GMDS: variants seen among roughly 807,000 people sequenced by gnomAD.
GMDS encodes the protein GDP-mannose 4,6 dehydratase.
Under a neutral mutation model 49.9 loss-of-function variants are expected in GMDS, and 20 were observed. The observed-to-expected ratio is 0.40, with a 90% CI of 0.28 to 0.58. The LOEUF is 0.58. Among genes scored for constraint, GMDS ranks in the 20% least tolerant of loss-of-function variants. The pLI is 0.42. For synonymous variants in GMDS, 177 were observed against 178.6 expected, an observed-to-expected ratio of 0.99 and a Z score of 0.07; for missense variants, 362 against 481.4, an observed-to-expected ratio of 0.75 and a Z score of 2.32.
At chr6:2,057,933 A>C (rs1770874310) in intron 4 of GMDS, among the ~76,000 whole-genome samples, 1 of 152,210 alleles carries the variant, frequency 6.6e-6, no homozygotes, top group Non-Finnish European at 1.5e-5. Flanking sequence ...AAAATAGTGC[A>C]CATGACAACC....
intron 4 of GMDS, among the ~76,000 whole-genome samples, chr6:1,994,561 T>C (rs548966210): frequency 1.3e-5 from 2 of 152,248 alleles, no homozygotes; most frequent in South Asian, 2.1e-4. Flanking sequence ...AACTTTGTCA[T>C]TGAGGAACCC....
At position 1,821,459 on chromosome 6, in the gene GMDS, G is replaced by A. The variant is rs141964195; in HGVS notation, c.772-78873C>T. ...TGGGCGAGGATAAGGAGGGAAAGACGGACAGTTCTTTGGTAATAAAAATGC... is the reference window on the plus strand; with the variant it reads ...TGGGCGAGGATAAGGAGGGAAAGACAGACAGTTCTTTGGTAATAAAAATGC... On this transcript the variant is annotated intron_variant, in intron 7 of 10. Coordinates refer to ENST00000380815, the MANE Select transcript of GMDS (RefSeq NM_001500.4). Among the ~76,000 whole-genome samples the A allele has an allele frequency of 8.6e-5, 13 of 151,976 alleles. No homozygotes were observed. The East Asian group carries it at 2.1e-3, about 25-fold the overall frequency.
chr6:1,964,507 C>T (rs1299987034), intron 4 of GMDS, among the ~76,000 whole-genome samples: 4 of 152,108 alleles, frequency 2.6e-5, no homozygotes, highest in South Asian at 2.1e-4. Flanking sequence ...ATGTTATATT[C>T]GTGGTGAACG....
chr6:1,945,771 T>C (rs1006325698), intron 6 of GMDS, among the ~76,000 whole-genome samples: 2 of 151,906 alleles, frequency 1.3e-5, no homozygotes, highest in African/African-American at 4.8e-5. Flanking sequence ...CCAACAAAAA[T>C]CCCCAACATT....
rs1167834210 is a variant in GMDS, at chr6:1,652,412, TATATA to T, written c.988-27877_988-27873del. 5.8e-4 allele frequency among the ~76,000 whole-genome samples: 13 copies of T among 22,248 alleles called. 1 individual carries two copies. Among genetic ancestry groups the T allele is most frequent in the Middle Eastern group, 0.019 (1 of 54 alleles). 14.6% of individuals were successfully genotyped at this position (22,248 alleles called of 152,430 possible). On this transcript the variant is annotated intron_variant, in intron 9 of 10. Coordinates refer to ENST00000380815, the MANE Select transcript of GMDS (RefSeq NM_001500.4). ...ATATATTATATATATATATATATTA[TATATA>T]ATATATATATAATATATTATATATA...
intron 7 of GMDS, among the ~76,000 whole-genome samples, chr6:1,769,524 G>A (rs56808713): frequency 0.015 from 2,289 of 152,246 alleles, 57 homozygotes; most frequent in African/African-American, 0.051. Context: ...CATTTTCAAG[G>A]GGACTGGCAG....
intron 7 of GMDS, among the ~76,000 whole-genome samples, chr6:1,760,855 T>C (rs144841718): frequency 6.6e-6 from 1 of 152,310 alleles, no homozygotes; most frequent in Non-Finnish European, 1.5e-5. Context: ...CTTTGTTCTT[T>C]CGGGTGGTCC....
intron 1 of GMDS, among the ~76,000 whole-genome samples, chr6:2,127,346 A>C (rs1254734477): frequency 6.6e-6 from 1 of 152,174 alleles, no homozygotes; most frequent in African/African-American, 2.4e-5. Flanking sequence ...TATACTTCTA[A>C]TCATTCTCTT....
At chr6:1,702,893 A>G (rs1429775030) in intron 9 of GMDS, among the ~76,000 whole-genome samples, 2 of 152,154 alleles carry the variant, frequency 1.3e-5, no homozygotes, top group African/African-American at 4.8e-5. Context: ...ACCCTCGCTA[A>G]GAGGAGGGCC....
chr6:2,035,917 C>G (rs1466668167), intron 4 of GMDS, among the ~76,000 whole-genome samples: 4 of 152,070 alleles, frequency 2.6e-5, no homozygotes, highest in Non-Finnish European at 5.9e-5. Flanking sequence ...GAACTACTGA[C>G]CTCAAGTGAT....
Position 1,847,441 on chromosome 6 carries a change from A to T in GMDS, c.771+82662T>A, listed in dbSNP as rs145587888. 5.9e-5 allele frequency among the ~76,000 whole-genome samples: 9 copies of T among 152,302 alleles called. No homozygotes were observed. The East Asian group carries it at 1.7e-3, about 29-fold the overall frequency. ...AGTCATTCATGGCAATTTTCAGAAG[A>T]TCCAAGTAACAGAAGCCTATTCAGT... On this transcript the variant is annotated intron_variant, in intron 7 of 10. Transcript: ENST00000380815.
chr6:1,992,493 T>G (rs1312100916), intron 4 of GMDS, among the ~76,000 whole-genome samples: 1 of 152,174 alleles, frequency 6.6e-6, no homozygotes, highest in African/African-American at 2.4e-5. Flanking sequence ...ACCAGGCATG[T>G]TCCCGACCTA....
rs1561797958 is a variant in GMDS, at chr6:1,778,067, AAAAG to A, written c.772-35485_772-35482del. On this transcript the variant is annotated intron_variant, in intron 7 of 10. Transcript: ENST00000380815. The surrounding 1 kb of genome is among the most constrained non-coding windows in gnomAD (Gnocchi z 4.6). ...TAAGCTCAGGGGTGCACGCATTAAA[AAAAG>A]AAGCTGAAAAATGGAACTTTGTTTT... Among the ~76,000 whole-genome samples the A allele has an allele frequency of 6.6e-6, 1 of 152,194 alleles. No homozygotes were observed. The highest frequency in any genetic ancestry group is 1.5e-5 in the Non-Finnish European group (1 of 68,052).
At chr6:1,684,850 A>C (rs1194940949) in intron 9 of GMDS, among the ~76,000 whole-genome samples, 4 of 152,198 alleles carry the variant, frequency 2.6e-5, no homozygotes, top group Non-Finnish European at 5.9e-5. Flanking sequence ...CGAGTCCAGC[A>C]CCTGGCACCA....
intron 7 of GMDS, among the ~76,000 whole-genome samples, chr6:1,832,360 T>C (rs1049424616): frequency 1.3e-5 from 2 of 151,894 alleles, no homozygotes; most frequent in Admixed American, 6.6e-5. Flanking sequence ...GCCACTGCAC[T>C]CTAGCCTGGG....
chr6:2,072,812 C>A (rs1215905906), intron 4 of GMDS, among the ~76,000 whole-genome samples: 2 of 152,172 alleles, frequency 1.3e-5, no homozygotes, highest in South Asian at 2.1e-4. Flanking sequence ...GTGCTCTAAC[C>A]TGAACCCCAT....
At chr6:2,037,870 G>A (rs1391206272) in intron 4 of GMDS, among the ~76,000 whole-genome samples, 5 of 152,266 alleles carry the variant, frequency 3.3e-5, no homozygotes, top group East Asian at 3.9e-4. Flanking sequence ...AGACAAGAGA[G>A]CAGGGGAAAG....
At chr6:1,838,823 A>T (rs999692775) in intron 7 of GMDS, among the ~76,000 whole-genome samples, 1 of 152,204 alleles carries the variant, frequency 6.6e-6, no homozygotes, top group Non-Finnish European at 1.5e-5. Context: ...GCATGTAAAC[A>T]TACCTATTAA....
chr6:1,963,838 C>A (rs1177459378), intron 4 of GMDS, among the ~76,000 whole-genome samples: 2 of 152,184 alleles, frequency 1.3e-5, no homozygotes, highest in Non-Finnish European at 2.9e-5. Context: ...AGGGCCACAA[C>A]TGTAATTTAT....
Sources: allele counts gnomAD v4.1 joint callset (sites outside exome capture counted in the v4.1 genomes callset), GRCh38; gene constraint gnomAD v4.1.1; non-coding constraint Gnocchi (gnomAD v3.1); transcripts MANE v1.5; gene names NCBI Gene and HGNC (gene_info 2026-07-23, HGNC 2026-07-21).